Variants in RSRC1 observed in about 807,000 individuals in gnomAD.
RSRC1 encodes the protein arginine and serine rich coiled-coil 1, also known as serine/Arginine-related protein 53.
In RSRC1, 39 loss-of-function variants were observed where a neutral mutation model predicts 49.1. That is an observed-to-expected ratio of 0.79 (90% CI 0.61 to 1.04). The LOEUF is 1.04. RSRC1 is among the 50% of genes least tolerant of loss of function. The pLI, the probability that RSRC1 is intolerant of heterozygous loss-of-function variation, is 0.00. For missense variants in RSRC1, 388 were observed against 402.4 expected (o/e 0.96, Z 0.31); for synonymous variants, 143 against 130.8 (o/e 1.09, Z -0.63).
intron 6 of RSRC1, among the ~76,000 whole-genome samples, chr3:158,379,807 C>A (rs771943857): frequency 7.1e-6 from 1 of 140,748 alleles, no homozygotes; most frequent in South Asian, 2.4e-4. Context: ...TACAAACACA[C>A]GCGCATGCAC....
At chr3:158,241,148 A>G (rs1281785130) in intron 4 of RSRC1, among the ~76,000 whole-genome samples, 1 of 152,162 alleles carries the variant, frequency 6.6e-6, no homozygotes, top group African/African-American at 2.4e-5. Flanking sequence ...AAATTCTGCC[A>G]TTAAAAATGC....
chr3:158,338,098 T>C (rs568123624), intron 5 of RSRC1, among the ~76,000 whole-genome samples: 12 of 152,338 alleles, frequency 7.9e-5, no homozygotes, highest in African/African-American at 2.9e-4. Context: ...AAGGATGTTG[T>C]AACCTTTGCT....
At chr3:158,289,646 A>G (rs1162671932) in intron 4 of RSRC1, among the ~76,000 whole-genome samples, 1 of 152,190 alleles carries the variant, frequency 6.6e-6, no homozygotes, top group Non-Finnish European at 1.5e-5. Flanking sequence ...TAGAGCCACT[A>G]ATTTGCAAGG....
intron 4 of RSRC1, among the ~76,000 whole-genome samples, chr3:158,224,301 G>A (rs1722396949): frequency 6.6e-6 from 1 of 151,778 alleles, no homozygotes; most frequent in South Asian, 2.1e-4. Context: ...AATATTTTAA[G>A]TTAAATTTTT....
intron 6 of RSRC1, among the ~76,000 whole-genome samples, chr3:158,437,907 A>G (rs1736140177): frequency 6.6e-6 from 1 of 152,216 alleles, no homozygotes. Flanking sequence ...ATGACTGTAT[A>G]TTTAGAAAAC....
intron 3 of RSRC1, among the ~76,000 whole-genome samples, chr3:158,158,541 T>C (rs1364298178): frequency 6.6e-6 from 1 of 152,220 alleles, no homozygotes; most frequent in East Asian, 1.9e-4. Context: ...CACATGAAAT[T>C]GTCTTTTCCC....
chr3:158,303,676 A>G (rs1216618587), intron 5 of RSRC1: 5 of 152,228 alleles, frequency 3.3e-5, no homozygotes, highest in Non-Finnish European at 7.3e-5. Flanking sequence ...GAATCTGGTG[A>G]AGAATCTAGA....
chr3:158,293,241 G>A (rs935662114), intron 4 of RSRC1, among the ~76,000 whole-genome samples: 3 of 151,922 alleles, frequency 2.0e-5, no homozygotes, highest in African/African-American at 4.8e-5. Context: ...TCTCATATAT[G>A]TATATATTAC....
chr3:158,470,504 G>A (rs1309641527), intron 7 of RSRC1, among the ~76,000 whole-genome samples: 1 of 151,968 alleles, frequency 6.6e-6, no homozygotes, highest in Admixed American at 6.6e-5. Context: ...TGATGGTGGG[G>A]GGTGGGAATG....
At chr3:158,205,038 G>C (rs1186267962) in intron 4 of RSRC1, among the ~76,000 whole-genome samples, 3 of 152,244 alleles carry the variant, frequency 2.0e-5, no homozygotes, top group African/African-American at 7.2e-5. Context: ...GTGTTCAAGT[G>C]GACCAATTTC....
chr3:158,328,915 T>A (rs1237912122), intron 5 of RSRC1, among the ~76,000 whole-genome samples: 1 of 152,324 alleles, frequency 6.6e-6, no homozygotes, highest in East Asian at 1.9e-4. Context: ...GTCCCATATT[T>A]CTTGGAGGCT....
At chr3:158,538,316 G>A (rs574249914) in intron 8 of RSRC1, among the ~76,000 whole-genome samples, 17 of 151,868 alleles carry the variant, frequency 1.1e-4, no homozygotes, top group Middle Eastern at 3.4e-3. Context: ...TGGTCCTTGC[G>A]TTGCCATTTT....
chr3:158,165,895 C>T (rs1029015820), intron 3 of RSRC1, among the ~76,000 whole-genome samples: 5 of 152,174 alleles, frequency 3.3e-5, no homozygotes, highest in African/African-American at 9.7e-5. Flanking sequence ...ACACAATCAT[C>T]TAATTTGCTC....
chr3:158,392,765 A>G (rs1733389172), intron 6 of RSRC1, among the ~76,000 whole-genome samples: 1 of 152,024 alleles, frequency 6.6e-6, no homozygotes, highest in Admixed American at 6.6e-5. Flanking sequence ...TTACTGGACA[A>G]ATCATTGATG....
At chr3:158,215,737 G>A (rs956593471) in intron 4 of RSRC1, among the ~76,000 whole-genome samples, 1 of 151,530 alleles carries the variant, frequency 6.6e-6, no homozygotes, top group African/African-American at 2.4e-5. Context: ...GTGTTTTATT[G>A]CTTCAGTTGG....
chr3:158,349,800 C>A (rs1037208156), intron 5 of RSRC1, among the ~76,000 whole-genome samples: 10 of 142,770 alleles, frequency 7.0e-5, no homozygotes, highest in African/African-American at 2.1e-4. Flanking sequence ...CGGGTTCAGG[C>A]GATTCTCCTG....
At chr3:158,379,149 A>G (rs963935851) in intron 6 of RSRC1, among the ~76,000 whole-genome samples, 2 of 150,760 alleles carry the variant, frequency 1.3e-5, no homozygotes, top group East Asian at 3.9e-4. Flanking sequence ...TAACATGGCA[A>G]CTGGAATGAG....
At chr3:158,350,349 T>G in intron 5 of RSRC1, among the ~76,000 whole-genome samples, 1 of 151,986 alleles carries the variant, frequency 6.6e-6, no homozygotes, top group East Asian at 1.9e-4. Flanking sequence ...AATTTTTGTG[T>G]TTTTGGTAGA....
intron 4 of RSRC1, among the ~76,000 whole-genome samples, chr3:158,294,507 A>G (rs1050698539): frequency 5.9e-5 from 9 of 151,934 alleles, no homozygotes; most frequent in Non-Finnish European, 1.3e-4. Context: ...TACATCTTAC[A>G]GTTTTCCTTG....
Sources: gnomAD v4.1 joint callset for allele counts (sites outside exome capture counted in the v4.1 genomes callset) on GRCh38, gnomAD v4.1.1 for gene constraint, MANE v1.5 for transcripts, NCBI Gene and HGNC (gene_info 2026-07-23, HGNC 2026-07-21) for gene names.